The following PDHX variants were observed in gnomAD, a reference collection of about 807,000 sequenced individuals.
PDHX encodes pyruvate dehydrogenase protein X component, mitochondrial.
A neutral mutation model predicts 55.3 loss-of-function variants in PDHX; 33 were observed. That is an observed-to-expected ratio of 0.60 (90% confidence interval 0.45 to 0.80). The LOEUF (loss-of-function observed/expected upper bound fraction) is 0.80. PDHX is among the 30% of genes least tolerant of loss of function. The pLI is 0.00. For synonymous variants in PDHX, 226 were observed against 219.4 expected, an observed-to-expected ratio of 1.03 and a Z score of -0.27; for missense variants, 622 against 619.9, an observed-to-expected ratio of 1.00 and a Z score of -0.04.
intron 2 of PDHX, among the ~76,000 whole-genome samples, chr11:34,943,920 C>A (rs528349465): frequency 6.6e-6 from 1 of 152,150 alleles, no homozygotes; most frequent in Admixed American, 6.5e-5. Flanking sequence ...CTCACCTTAT[C>A]CTGCTGTATT....
intron 7 of PDHX, among the ~76,000 whole-genome samples, chr11:34,974,641 A>G (rs1209292397): frequency 3.3e-5 from 5 of 152,244 alleles, no homozygotes; most frequent in South Asian, 2.1e-4. Context: ...TGGCGCACCA[A>G]TGGGTCAGGC....
rs564055332 is a variant in PDHX at position 34,938,557 on chromosome 11, T to C, written c.241+7073T>C. Reference sequence around the variant, plus strand: ...GCTTTGGCTATTTCCATATTCGATATGACAGGGTGTTGGTGTCATTAAATA... The same window carrying C: ...GCTTTGGCTATTTCCATATTCGATACGACAGGGTGTTGGTGTCATTAAATA... On this transcript the variant is annotated intron_variant, in intron 2 of 10. Coordinates refer to ENST00000227868, the MANE Select transcript of PDHX (RefSeq NM_003477.3). 7.9e-5 allele frequency among the ~76,000 whole-genome samples: 12 copies of C among 152,340 alleles called. 1 individual carries two copies. The highest frequency in any genetic ancestry group is 3.9e-4 in the Admixed American group (6 of 15,298).
Position 34,970,228 on chromosome 11 carries a change from T to G in PDHX, c.906T>G (p.Tyr302Ter). 3.1e-6 allele frequency: 5 copies of G among 1,613,426 alleles called. No homozygotes were observed. Among genetic ancestry groups the G allele is most frequent in the Non-Finnish European group, 3.4e-6 (4 of 1,179,360 alleles). ...CTAAAAGTACTGTACCTCATGCATA[T>G]GCTACTGCTGACTGTGACCTTGGAG... ...TESKSTVPHA[Y>*]ATADCDLGAV... The change falls in exon 7 of 11, where the codon TAT becomes TAG. Residue 302 changes from tyrosine (Y) to a stop codon, truncating the protein, a stop_gained. Coordinates refer to ENST00000227868, the MANE Select transcript of PDHX (RefSeq NM_003477.3). LOFTEE classifies it high-confidence loss of function.
chr11:34,958,024 A>G (rs1478529684), intron 4 of PDHX, among the ~76,000 whole-genome samples: 4 of 152,204 alleles, frequency 2.6e-5, no homozygotes, highest in Non-Finnish European at 5.9e-5. Flanking sequence ...ACTAGTCTGC[A>G]TTATGACTTT....
At chr11:34,943,478 T>G (rs1301808508) in intron 2 of PDHX, among the ~76,000 whole-genome samples, 3 of 152,232 alleles carry the variant, frequency 2.0e-5, no homozygotes, top group African/African-American at 7.2e-5. Context: ...TTGCTGGGTT[T>G]ACTAGTTCTA....
rs1313004220 is a variant in PDHX at position 34,995,232 on chromosome 11, CAT to C, written c.*63_*64del. 1 of 1,567,010 alleles carries C rather than the reference CAT, an allele frequency of 6.4e-7. No individual in the cohort carries two copies. Among genetic ancestry groups the C allele is most frequent in the Non-Finnish European group, 8.8e-7 (1 of 1,139,254 alleles). The stretch of plus-strand genomic sequence containing the variant: ...TGATTCAGTAGTTGTTACCAAGAAA[CAT>C]ATGTTATAGGAAAACAACTTGGTAT... On this transcript the variant is annotated 3_prime_UTR_variant, in exon 11 of 11. Coordinates refer to ENST00000227868, the MANE Select transcript of PDHX (RefSeq NM_003477.3).
intron 8 of PDHX, 42 bp from the exon 9 acceptor site, chr11:34,984,528 A>G: frequency 1.9e-6 from 3 of 1,583,082 alleles, no homozygotes; most frequent in Non-Finnish European, 2.6e-6. Flanking sequence ...GCCTTGGTCT[A>G]AAGCTGCTTT....
At chr11:34,938,110 G>C (rs1391451070) in intron 2 of PDHX, among the ~76,000 whole-genome samples, 1 of 152,228 alleles carries the variant, frequency 6.6e-6, no homozygotes, top group Non-Finnish European at 1.5e-5. Context: ...GTGGGCTGAA[G>C]TGTGATTAGA....
rs943157991 is a variant in PDHX at position 34,942,622 on chromosome 11, A to G, written c.242-4884A>G. On this transcript the variant is annotated intron_variant, in intron 2 of 10. Transcript: ENST00000227868. Reference sequence around the variant, plus strand: ...GAAACTCAGTAGATTTGAAATATTCATGGCTCATTATTTGCTCTCAGAGTT... The same window carrying G: ...GAAACTCAGTAGATTTGAAATATTCGTGGCTCATTATTTGCTCTCAGAGTT... Among the ~76,000 whole-genome samples the G allele has an allele frequency of 7.9e-5, 12 of 152,318 alleles. No individual in the cohort carries two copies. In the South Asian group the frequency reaches 8.3e-4, roughly 11 times the overall value.
intron 8 of PDHX, among the ~76,000 whole-genome samples, chr11:34,983,093 T>A (rs1283180447): frequency 1.3e-5 from 2 of 152,190 alleles, no homozygotes; most frequent in African/African-American, 4.8e-5. Context: ...GTTGGCTTCA[T>A]CCCTGGGATG....
intron 2 of PDHX, among the ~76,000 whole-genome samples, chr11:34,943,491 GT>G (rs1206268593): frequency 6.6e-6 from 1 of 152,108 alleles, no homozygotes; most frequent in African/African-American, 2.4e-5. Flanking sequence ...TAGTTCTATA[GT>G]TTTTCCCGTG....
chr11:34,990,477 G>T (rs1855733693), intron 9 of PDHX, among the ~76,000 whole-genome samples: 1 of 152,120 alleles, frequency 6.6e-6, no homozygotes, highest in Non-Finnish European at 1.5e-5. Flanking sequence ...TTTGTTTTTA[G>T]TATGTGTGCG....
chr11:34,960,661 C>G, intron 5 of PDHX, 143 bp downstream of exon 5: 1 of 586,156 alleles, frequency 1.7e-6, no homozygotes, highest in South Asian at 2.1e-5. Context: ...TTGCTTTTAT[C>G]ATTGTAAATT....
intron 3 of PDHX, among the ~76,000 whole-genome samples, chr11:34,956,305 C>T (rs1433956653): frequency 6.6e-6 from 1 of 152,076 alleles, no homozygotes; most frequent in Non-Finnish European, 1.5e-5. Context: ...TAACTTATGC[C>T]TTATTAACGA....
chr11:34,985,212 G>C (rs1855614815), intron 9 of PDHX, among the ~76,000 whole-genome samples: 1 of 152,228 alleles, frequency 6.6e-6, no homozygotes, highest in Non-Finnish European at 1.5e-5. Context: ...GGAGGCCGAG[G>C]TGGGTGGATC....
rs74715076 is a variant in PDHX at position 34,965,047 on chromosome 11, G to T, written c.642-1593G>T. Among the ~76,000 whole-genome samples, 474 of 152,230 alleles carry T rather than the reference G, an allele frequency of 3.1e-3. 2 individuals carry two copies. Among genetic ancestry groups the T allele is most frequent in the African/African-American group, 0.011 (458 of 41,538 alleles). ...TTCTATTATTGCATAACAAGTTACA[G>T]TAAACTTACCAGCTTAAAATAATAC... On this transcript the variant is annotated intron_variant, in intron 5 of 10. Coordinates refer to ENST00000227868, the MANE Select transcript of PDHX (RefSeq NM_003477.3).
At position 34,984,726 on chromosome 11, in the gene PDHX, A is replaced by C. The variant is rs1467464699; in HGVS notation, c.1180A>C (p.Lys394Gln). 4 of 1,613,600 alleles carry C rather than the reference A, an allele frequency of 2.5e-6. No individual in the cohort carries two copies. Among genetic ancestry groups the C allele is most frequent in the East Asian group, 2.2e-5 (1 of 44,870 alleles). Residue 394 changes from lysine (K) to glutamine (Q), a missense_variant and splice_region_variant, in exon 9 of 11, where the codon AAG (lysine) becomes CAG (glutamine). Coordinates refer to ENST00000227868, the MANE Select transcript of PDHX (RefSeq NM_003477.3). ...TATCCAGGAAATTGCTGACTCTGTA[A>C]AGGTATGTCTTAAGAAAGAGTGTGC... The part of the protein sequence containing the change: ...KGIQEIADSV[K>Q]ALSKKARDGK...
At chr11:34,941,269 C>T (rs1432975931) in intron 2 of PDHX, among the ~76,000 whole-genome samples, 1 of 152,180 alleles carries the variant, frequency 6.6e-6, no homozygotes, top group Admixed American at 6.5e-5. Flanking sequence ...CAAACACTGA[C>T]TAGGGGTCCC....
chr11:34,938,086 C>T (rs1242344057), intron 2 of PDHX, among the ~76,000 whole-genome samples: 1 of 152,080 alleles, frequency 6.6e-6, no homozygotes, highest in Non-Finnish European at 1.5e-5. Flanking sequence ...ATTAAAACCC[C>T]CCAAACCTCA....
Sources: allele counts gnomAD v4.1 joint callset (sites outside exome capture counted in the v4.1 genomes callset), GRCh38; gene constraint gnomAD v4.1.1; transcripts MANE v1.5; gene names NCBI Gene and HGNC (gene_info 2026-07-23, HGNC 2026-07-21).